The following LPCAT2 variants were observed in gnomAD, a reference collection of about 807,000 sequenced individuals.
LPCAT2 encodes the protein 1-AGP acyltransferase 11.
LPCAT2 carries 58 observed loss-of-function variants against 64.7 expected under a neutral mutation model. That is an observed-to-expected ratio of 0.90 (90% CI 0.73 to 1.12). The LOEUF (loss-of-function observed/expected upper bound fraction) is 1.12. LPCAT2 is among the 50% of genes most tolerant of loss of function. LPCAT2 has a pLI of 0.00. For synonymous variants in LPCAT2, 252 were observed against 245.3 expected (o/e 1.03, Z -0.26); for missense variants, 579 against 669.8 (o/e 0.86, Z 1.50).
chr16:55,535,117 A>G (rs1963307969), intron 7 of LPCAT2, among the ~76,000 whole-genome samples: 1 of 152,184 alleles, frequency 6.6e-6, no homozygotes, highest in South Asian at 2.1e-4. Context: ...TTCCCTCTGA[A>G]TAAGTCTGAG....
At chr16:55,521,750 C>A (rs1239105748) in intron 1 of LPCAT2, among the ~76,000 whole-genome samples, 3 of 151,562 alleles carry the variant, frequency 2.0e-5, no homozygotes, top group Non-Finnish European at 4.4e-5. Flanking sequence ...GTGATCATCT[C>A]AATAGATGCA....
intron 1 of LPCAT2, among the ~76,000 whole-genome samples, chr16:55,518,334 A>G (rs773739274): frequency 2.6e-5 from 4 of 152,232 alleles, no homozygotes; most frequent in Non-Finnish European, 5.9e-5. Flanking sequence ...AATAGTTAAG[A>G]TAATGACACT....
At chr16:55,519,277 G>A (rs1216659121) in intron 1 of LPCAT2, among the ~76,000 whole-genome samples, 1 of 151,850 alleles carries the variant, frequency 6.6e-6, no homozygotes, top group African/African-American at 2.4e-5. Flanking sequence ...GAGGTGGGCG[G>A]ATCACGGGGT....
At chr16:55,525,790 A>C in intron 2 of LPCAT2, 143 bp downstream of exon 2, 1 of 463,560 alleles carries the variant, frequency 2.2e-6, no homozygotes, top group Non-Finnish European at 3.5e-6. Flanking sequence ...CTCAATAATA[A>C]ATTTTACAGT....
chr16:55,550,991 A>G lies in LPCAT2; in HGVS notation c.1104A>G (p.Ala368=), dbSNP rs769382370. Residue 368 remains alanine (A), a synonymous_variant, in exon 11 of 14, where the codon GCA becomes GCG. Transcript: ENST00000262134. ...TTCGTAAGCATTTGGATGAATATGC[A>G]TCTATTGCGAGTTCCTCAAAAGGAG... ...DGVRKHLDEY[A]SIASSSKGGR... is the part of the protein sequence containing the mutation. 1.9e-6 allele frequency: 3 copies of G among 1,609,910 alleles called. No homozygotes were observed. The highest frequency in any genetic ancestry group is 1.1e-5 in the South Asian group (1 of 90,596).
intron 12 of LPCAT2, among the ~76,000 whole-genome samples, 172 bp downstream of exon 12, chr16:55,574,901 A>G (rs905338486): frequency 6.6e-6 from 1 of 152,242 alleles, no homozygotes; most frequent in Admixed American, 6.5e-5. Context: ...AGAAAACACA[A>G]GCATTTATTT....
chr16:55,509,804 C>T (rs2142383915), intron 1 of LPCAT2, among the ~76,000 whole-genome samples: 1 of 151,996 alleles, frequency 6.6e-6, no homozygotes, highest in African/African-American at 2.4e-5. Context: ...AGAGAAGATG[C>T]TGGGAAGATG....
intron 1 of LPCAT2, among the ~76,000 whole-genome samples, chr16:55,512,290 G>A (rs1433990059): frequency 6.6e-6 from 1 of 152,190 alleles, no homozygotes; most frequent in Non-Finnish European, 1.5e-5. Context: ...GTAGCTCAAT[G>A]TAGACAATGT....
intron 4 of LPCAT2, 67 bp from the exon 5 acceptor site, chr16:55,531,847 A>G (rs1327838209): frequency 9.7e-7 from 1 of 1,033,658 alleles, no homozygotes; most frequent in African/African-American, 1.6e-5. Flanking sequence ...TGAAGTCATA[A>G]GAAAGCGAGT....
chr16:55,533,528 T>C (rs1453287533), intron 6 of LPCAT2, among the ~76,000 whole-genome samples: 2 of 150,034 alleles, frequency 1.3e-5, no homozygotes, highest in South Asian at 2.2e-4. Flanking sequence ...CTCTCCTTTC[T>C]CAGCCTCCCG....
rs1315318185 is a variant in LPCAT2 at position 55,509,193 on chromosome 16, C to A, written c.12C>A (p.Cys4Ter). MSR[C>*]AQAAEVAATV... ...CGCCCGGCTCAACTATGAGCCGGTG[C>A]GCCCAGGCGGCGGAAGTGGCGGCCA... is the stretch of plus-strand genomic sequence containing the variant. Residue 4 changes from cysteine to a stop codon, truncating the protein, a stop_gained, in exon 1 of 14, where the codon TGC becomes TGA. Coordinates refer to ENST00000262134, the MANE Select transcript of LPCAT2 (RefSeq NM_017839.5). LOFTEE classifies it high-confidence loss of function. 3.6e-6 allele frequency: 5 copies of A among 1,400,600 alleles called. No homozygotes were observed. The highest frequency in any genetic ancestry group is 4.7e-6 in the Non-Finnish European group (5 of 1,072,206). 86.8% of individuals were successfully genotyped at this position (1,400,600 alleles called of 1,614,324 possible). A position where few individuals can be genotyped will look rare whatever the true frequency, so the allele number is the denominator to read the frequency against.
At chr16:55,523,106 A>G (rs1963120804) in intron 1 of LPCAT2, among the ~76,000 whole-genome samples, 1 of 151,716 alleles carries the variant, frequency 6.6e-6, no homozygotes, top group Non-Finnish European at 1.5e-5. Flanking sequence ...TTGATAAGAA[A>G]AAGACTAACA....
At position 55,551,096 on chromosome 16, in the gene LPCAT2, T is replaced by C; in HGVS notation, c.1209T>C (p.Phe403=). ...TCTTGAGACAACTTTTTGCACTCTT[T>C]GACAGGGTATGTTAAAATTTAATCT... ...SDVLRQLFAL[F]DRNHDGSIDF... Residue 403 remains phenylalanine, a synonymous_variant, in exon 11 of 14, where the codon TTT becomes TTC. Coordinates refer to ENST00000262134, the MANE Select transcript of LPCAT2 (RefSeq NM_017839.5). The C allele has an allele frequency of 6.2e-7, 1 of 1,608,452 alleles. No homozygotes were observed. The highest frequency in any genetic ancestry group is 8.5e-7 in the Non-Finnish European group (1 of 1,176,628).
chr16:55,561,467 T>A (rs1308217405), intron 11 of LPCAT2, among the ~76,000 whole-genome samples: 3 of 150,522 alleles, frequency 2.0e-5, no homozygotes, highest in Non-Finnish European at 4.4e-5. Context: ...GGGGATTAAA[T>A]CATCCAGAGG....
At chr16:55,513,352 A>G (rs561641726) in intron 1 of LPCAT2, among the ~76,000 whole-genome samples, 10 of 152,224 alleles carry the variant, frequency 6.6e-5, no homozygotes, top group Non-Finnish European at 1.0e-4. Context: ...GATGGGCTCA[A>G]CAACACATTG....
At chr16:55,565,358 A>G (rs564962924) in intron 11 of LPCAT2, among the ~76,000 whole-genome samples, 19 of 152,236 alleles carry the variant, frequency 1.2e-4, no homozygotes, top group African/African-American at 4.6e-4. Flanking sequence ...ACTTCTTGGT[A>G]TATACCCAAA....
Position 55,528,743 on chromosome 16 carries a change from G to A in LPCAT2, c.529+149G>A, listed in dbSNP as rs894982657. On this transcript the variant is annotated intron_variant, in intron 3 of 13. Transcript: ENST00000262134. ...ACTTTATTGTAATAAGTTACTACAT[G>A]GAAATAGTATATTTATGAAAAAAGA... 50 of 640,402 alleles carry A rather than the reference G, an allele frequency of 7.8e-5. 1 individual carries two copies. Among genetic ancestry groups the A allele is most frequent in the Middle Eastern group, 4.3e-4 (1 of 2,338 alleles). The allele number at this position is 640,402 out of a possible 1,614,324, so 39.7% of individuals were successfully genotyped here.
chr16:55,566,921 G>A (rs1028679923), intron 11 of LPCAT2: 1 of 1,613,692 alleles, frequency 6.2e-7, no homozygotes, highest in Admixed American at 1.7e-5. Flanking sequence ...CAGCAGCTCA[G>A]TATACTCCAG....
chr16:55,525,232 TCCCCCAG>T (rs1422051663), intron 1 of LPCAT2, among the ~76,000 whole-genome samples: 1 of 152,078 alleles, frequency 6.6e-6, no homozygotes, highest in Admixed American at 6.6e-5. Context: ...TTTTCTTTGT[TCCCCCAG>T]CATTCTCTAT....
Sources: allele counts gnomAD v4.1 joint callset (sites outside exome capture counted in the v4.1 genomes callset), GRCh38; gene constraint gnomAD v4.1.1; transcripts MANE v1.5; gene names NCBI Gene and HGNC (gene_info 2026-07-23, HGNC 2026-07-21).